The following RDX variants were observed in gnomAD, a reference collection of about 807,000 sequenced individuals.
RDX encodes the protein radixin.
RDX carries 32 observed loss-of-function variants against 83.7 expected under a neutral mutation model. The ratio of observed to expected loss-of-function variants is 0.38; its 90% CI spans 0.29 to 0.51. The LOEUF is 0.51. RDX is among the 20% of genes least tolerant of loss of function. The pLI, the probability that RDX is intolerant of heterozygous loss-of-function variation, is 0.87. For synonymous variants in RDX, 229 were observed against 222.7 expected (o/e 1.03, Z -0.25); for missense variants, 600 against 689.9 (o/e 0.87, Z 1.46).
At position 110,233,428 on chromosome 11, in the gene RDX, C is replaced by T; in HGVS notation, c.1396G>A (p.Val466Met). Residue 466 changes from valine to methionine, a missense_variant, in exon 13 of 14, where the codon GTG becomes ATG. By Grantham distance (21) the Val-to-Met change is conservative (BLOSUM62 1). Transcript: ENST00000645495. ...LEKTKEELKT[V>M]MSAPPPPPPP... is the part of the protein sequence containing the mutation. ...GGAGGTGGAGGGGGGGCAGACATCA[C>T]AGTTTTTAACTCTTCTTTGGTCTTT... 1 of 1,614,052 alleles carries T rather than the reference C, an allele frequency of 6.2e-7. No homozygotes were observed. The highest frequency in any genetic ancestry group is 8.5e-7 in the Non-Finnish European group (1 of 1,179,996).
chr11:110,250,773 T>C (rs2134347233), intron 9 of RDX, among the ~76,000 whole-genome samples: 1 of 152,344 alleles, frequency 6.6e-6, no homozygotes, highest in South Asian at 2.1e-4. Flanking sequence ...ATTTAAAACA[T>C]GTTGTAGTTT....
At chr11:110,178,381 A>G (rs906302686) in intron 15 of RDX, among the ~76,000 whole-genome samples, 1 of 152,190 alleles carries the variant, frequency 6.6e-6, no homozygotes, top group African/African-American at 2.4e-5. Context: ...TGATCGATCC[A>G]GTTGCTAAGT....
intron 10 of RDX, among the ~76,000 whole-genome samples, chr11:110,242,501 C>T (rs530968481): frequency 6.8e-6 from 1 of 147,910 alleles, no homozygotes; most frequent in East Asian, 2.0e-4. Context: ...TATTTTCTCT[C>T]ATAATAAAAA....
chr11:110,216,185 C>T (rs71476949), intron 14 of RDX, among the ~76,000 whole-genome samples: 1 of 152,126 alleles, frequency 6.6e-6, no homozygotes, highest in South Asian at 2.1e-4. Flanking sequence ...TCACTCTCCT[C>T]CGGGGTCACC....
At chr11:110,277,763 A>G (rs973556731) in intron 2 of RDX, among the ~76,000 whole-genome samples, 4 of 151,190 alleles carry the variant, frequency 2.6e-5, no homozygotes, top group Admixed American at 1.3e-4. Context: ...TCTTGCCTTT[A>G]TATGTTTTTA....
At chr11:110,289,851 C>T (rs866971487) in intron 1 of RDX, among the ~76,000 whole-genome samples, 2 of 147,994 alleles carry the variant, frequency 1.4e-5, no homozygotes, top group Admixed American at 1.4e-4. Context: ...CCCAACTACT[C>T]GGGACGCTGA....
chr11:110,268,706 G>A (rs1019763146), intron 3 of RDX, among the ~76,000 whole-genome samples: 1 of 151,742 alleles, frequency 6.6e-6, no homozygotes, highest in African/African-American at 2.4e-5. Context: ...GCTCAGCTGT[G>A]AAATTCCCTA....
intron 15 of RDX, among the ~76,000 whole-genome samples, chr11:110,190,899 C>T (rs1338250098): frequency 1.3e-5 from 2 of 152,068 alleles, no homozygotes; most frequent in African/African-American, 2.4e-5. Flanking sequence ...AGGAAGAAAT[C>T]GAAACTCTGA....
intron 1 of RDX, among the ~76,000 whole-genome samples, chr11:110,289,856 C>T (rs932901478): frequency 1.2e-4 from 18 of 147,200 alleles, no homozygotes; most frequent in East Asian, 2.1e-4. Context: ...CTACTCGGGA[C>T]GCTGAGGCAG....
intron 10 of RDX, among the ~76,000 whole-genome samples, chr11:110,247,156 C>G (rs1455311837): frequency 6.6e-6 from 1 of 151,848 alleles, no homozygotes; most frequent in African/African-American, 2.4e-5. Flanking sequence ...TATATATTGC[C>G]TAAGAAGTAA....
chr11:110,185,221 G>C (rs1165972735), intron 15 of RDX: 2 of 152,230 alleles, frequency 1.3e-5, no homozygotes, highest in Non-Finnish European at 2.9e-5. Flanking sequence ...GCATAGAACA[G>C]AAATGAGGAT....
At chr11:110,295,295 GTATT>G (rs1420309987) in intron 1 of RDX, among the ~76,000 whole-genome samples, 2 of 124,348 alleles carry the variant, frequency 1.6e-5, no homozygotes, top group Non-Finnish European at 3.3e-5. Flanking sequence ...ATATAAAAGA[GTATT>G]TAGTGTTCTA....
chr11:110,273,054 A>G (rs1339281655), intron 2 of RDX: 1 of 456,164 alleles, frequency 2.2e-6, no homozygotes, highest in Non-Finnish European at 4.4e-6. Flanking sequence ...CAGCAAGACT[A>G]TGAAAAATTT....
At position 110,229,968 on chromosome 11, in the gene RDX, C is replaced by T. The variant is rs1864560722; in HGVS notation, c.*1901G>A. 6.6e-6 allele frequency: 1 copy of T among 152,500 alleles called. No homozygotes were observed. The highest frequency in any genetic ancestry group is 2.4e-5 in the African/African-American group (1 of 41,432). The allele number at this position is 152,500 out of a possible 1,614,324, so 9.4% of individuals were successfully genotyped here. A position where few individuals can be genotyped will look rare whatever the true frequency, so the allele number is the denominator to read the frequency against. On this transcript the variant is annotated 3_prime_UTR_variant, in exon 14 of 14. Transcript: ENST00000645495. ...GTACTGCAAGTAGGAATATTCTCTTCCATAGGATTCTGAAGCATGTGCACA... is the reference window on the plus strand; with the variant it reads ...GTACTGCAAGTAGGAATATTCTCTTTCATAGGATTCTGAAGCATGTGCACA...
At chr11:110,216,849 T>C (rs999267398) in intron 14 of RDX, among the ~76,000 whole-genome samples, 2 of 152,172 alleles carry the variant, frequency 1.3e-5, no homozygotes, top group African/African-American at 4.8e-5. Flanking sequence ...AGACTTCACA[T>C]AAAAATTACA....
intron 14 of RDX, among the ~76,000 whole-genome samples, chr11:110,215,360 C>A (rs1864003568): frequency 7.4e-6 from 1 of 134,428 alleles, no homozygotes. Context: ...GAGACTCCAT[C>A]TCAAAAAATA....
chr11:110,279,096 C>T (rs892888499), intron 2 of RDX, among the ~76,000 whole-genome samples: 1 of 152,136 alleles, frequency 6.6e-6, no homozygotes, highest in Admixed American at 6.5e-5. Context: ...CTCATTATTT[C>T]CTCCCATTTA....
At chr11:110,191,629 G>A (rs188001387) in intron 15 of RDX, among the ~76,000 whole-genome samples, 15 of 152,354 alleles carry the variant, frequency 9.8e-5, no homozygotes, top group Non-Finnish European at 1.5e-4. Context: ...GCCAAGGCAG[G>A]TAAATCACCT....
Position 110,254,060 on chromosome 11 carries a change from G to T in RDX, c.845C>A (p.Ala282Asp). Residue 282 changes from alanine to aspartate, a missense_variant, in exon 9 of 14, where the codon GCC becomes GAC. Physicochemically the swap from Ala to Asp is moderately radical, Grantham distance 126 (BLOSUM62 -2). Transcript: ENST00000645495. ...TAGTTCATGGTTTCCCATACATAAG[G>T]CCAAAATCCGCTTATTGATTCTCAG... is the stretch of plus-strand genomic sequence containing the variant. ...PRLRINKRIL[A>D]LCMGNHELYM... is the part of the protein sequence containing the mutation. 6.2e-7 allele frequency: 1 copy of T among 1,613,492 alleles called. No homozygotes were observed. Among genetic ancestry groups the T allele is most frequent in the Non-Finnish European group, 8.5e-7 (1 of 1,179,744 alleles).
Sources: gnomAD v4.1 joint callset for allele counts (sites outside exome capture counted in the v4.1 genomes callset) on GRCh38, gnomAD v4.1.1 for gene constraint, MANE v1.5 for transcripts, NCBI Gene and HGNC (gene_info 2026-07-23, HGNC 2026-07-21) for gene names.